The following PAPPA2 variants were observed in gnomAD, a reference collection of about 807,000 sequenced individuals.
PAPPA2 encodes the protein pappalysin 2, also known as pappalysin-2.
PAPPA2 carries 86 observed loss-of-function variants against 176.4 expected under a neutral mutation model. That is an observed-to-expected ratio of 0.49 (90% CI 0.41 to 0.58). The LOEUF is 0.58. PAPPA2 is among the 20% of genes least tolerant of loss of function. PAPPA2 has a pLI of 0.00. For synonymous variants in PAPPA2, 809 were observed against 852.2 expected (o/e 0.95, Z 0.88); for missense variants, 2,073 against 2,256.9 (o/e 0.92, Z 1.65).
At chr1:176,622,603 T>C (rs941931354) in intron 3 of PAPPA2, among the ~76,000 whole-genome samples, 1 of 152,202 alleles carries the variant, frequency 6.6e-6, no homozygotes, top group African/African-American at 2.4e-5. Context: ...ATGCCATTTC[T>C]AACTTAATAA....
chr1:176,566,987 C>T (rs771015933), intron 2 of PAPPA2, among the ~76,000 whole-genome samples: 6 of 152,206 alleles, frequency 3.9e-5, no homozygotes, highest in Non-Finnish European at 7.3e-5. Context: ...TCCATACTTT[C>T]GCTCTTGAGT....
In PAPPA2 at chr1:176,765,792, A is replaced by T; in HGVS notation, c.4278A>T (p.Gly1426=). Residue 1426 remains glycine, a synonymous_variant, in exon 15 of 23, where the codon GGA becomes GGT. Transcript: ENST00000367662. The part of the protein sequence containing the change: ...LMKCAITCQR[G]FALQASSGQY... Reference sequence around the variant, plus strand: ...AGTGTGCTATCACTTGTCAAAGGGGATTTGCCCTTCAGGCCAGCAGTGGGC... The same window carrying T: ...AGTGTGCTATCACTTGTCAAAGGGGTTTTGCCCTTCAGGCCAGCAGTGGGC... 6.2e-7 allele frequency: 1 copy of T among 1,614,100 alleles called. No homozygotes were observed. Among genetic ancestry groups the T allele is most frequent in the Non-Finnish European group, 8.5e-7 (1 of 1,180,014 alleles).
At chr1:176,691,674 C>A (rs1246408748) in intron 5 of PAPPA2, among the ~76,000 whole-genome samples, 1 of 152,234 alleles carries the variant, frequency 6.6e-6, no homozygotes, top group Non-Finnish European at 1.5e-5. Flanking sequence ...CCATTCCCAG[C>A]CCTGCTGTCT....
intron 20 of PAPPA2, among the ~76,000 whole-genome samples, chr1:176,794,086 T>C (rs982915157): frequency 2.6e-5 from 4 of 152,228 alleles, no homozygotes; most frequent in African/African-American, 9.6e-5. Flanking sequence ...TACTTTTAGA[T>C]GCCTACAGAG....
Position 176,771,024 on chromosome 1 carries a change from A to G in PAPPA2, c.4559A>G (p.Tyr1520Cys), listed in dbSNP as rs992443591. 5 of 1,614,136 alleles carry G rather than the reference A, an allele frequency of 3.1e-6. No homozygotes were observed. The highest frequency in any genetic ancestry group is 2.2e-5 in the East Asian group (1 of 44,872). ...GGTCTCTGGTCTCTCCCTGAAGTCT[A>G]CTGCAAGTTGGAGTGTGATGCTCCC... ...EDGLWSLPEV[Y>C]CKLECDAPPI... Residue 1520 changes from tyrosine (Y) to cysteine (C), a missense_variant, in exon 17 of 23, where the codon TAC (tyrosine) becomes TGC (cysteine). Transcript: ENST00000367662.
intron 3 of PAPPA2, among the ~76,000 whole-genome samples, chr1:176,629,585 TA>T (rs1187528420): frequency 6.6e-6 from 1 of 152,094 alleles, no homozygotes; most frequent in African/African-American, 2.4e-5. Flanking sequence ...GAGCAGGTAA[TA>T]AAGAAAGGAA....
intron 2 of PAPPA2, among the ~76,000 whole-genome samples, chr1:176,563,392 A>G (rs1017416290): frequency 1.3e-5 from 2 of 152,168 alleles, no homozygotes; most frequent in African/African-American, 4.8e-5. Context: ...ACTTTAAGGA[A>G]GTTTAAACCC....
chr1:176,560,162 C>A (rs1651577477), intron 2 of PAPPA2, among the ~76,000 whole-genome samples: 1 of 146,626 alleles, frequency 6.8e-6, no homozygotes, highest in Non-Finnish European at 1.5e-5. Flanking sequence ...CAGCTTTATG[C>A]AAGTGTTTTT....
At chr1:176,606,101 A>G (rs1183416939) in intron 3 of PAPPA2, among the ~76,000 whole-genome samples, 1 of 151,762 alleles carries the variant, frequency 6.6e-6, no homozygotes, top group Admixed American at 6.6e-5. Flanking sequence ...ATATAATTAT[A>G]CCAATGAAAC....
Position 176,791,343 on chromosome 1 carries a change from C to G in PAPPA2, c.4885-4C>G. On this transcript the variant is annotated splice_polypyrimidine_tract_variant and splice_region_variant and intron_variant, in intron 18 of 22. Coordinates refer to ENST00000367662, the MANE Select transcript of PAPPA2 (RefSeq NM_020318.3). ...AATTAAGATGTTTACTTTTGATATTCTAGCTTCCCATCCTCTGCACTAAAG... is the reference window on the plus strand; with the variant it reads ...AATTAAGATGTTTACTTTTGATATTGTAGCTTCCCATCCTCTGCACTAAAG... 6.2e-7 allele frequency: 1 copy of G among 1,604,854 alleles called. No homozygotes were observed. The highest frequency in any genetic ancestry group is 8.5e-7 in the Non-Finnish European group (1 of 1,173,858).
intron 12 of PAPPA2, among the ~76,000 whole-genome samples, chr1:176,731,046 C>A (rs1337123435): frequency 6.6e-6 from 1 of 151,906 alleles, no homozygotes; most frequent in Non-Finnish European, 1.5e-5. Context: ...AAAATGTGTG[C>A]CCAGTATCAT....
intron 1 of PAPPA2, among the ~76,000 whole-genome samples, chr1:176,479,388 G>A (rs1652282380): frequency 6.6e-6 from 1 of 152,046 alleles, no homozygotes; most frequent in Admixed American, 6.6e-5. Flanking sequence ...AAAGGCAGTG[G>A]TGATTCTTCT....
At chr1:176,798,150 A>C (rs553377803) in intron 20 of PAPPA2, among the ~76,000 whole-genome samples, 1 of 152,372 alleles carries the variant, frequency 6.6e-6, no homozygotes, top group South Asian at 2.1e-4. Flanking sequence ...ATCATTAAAA[A>C]TCTATAAGGT....
chr1:176,735,505 C>T (rs759076321), intron 12 of PAPPA2, among the ~76,000 whole-genome samples: 1 of 152,028 alleles, frequency 6.6e-6, no homozygotes, highest in African/African-American at 2.4e-5. Flanking sequence ...TGTGTCTGTG[C>T]CCAGCAGGCA....
chr1:176,494,320 T>C (rs1647477731), intron 1 of PAPPA2, among the ~76,000 whole-genome samples: 1 of 152,146 alleles, frequency 6.6e-6, no homozygotes, highest in Non-Finnish European at 1.5e-5. Flanking sequence ...TTGGAATCAT[T>C]CTTAAAGGTC....
chr1:176,749,503 C>A (rs949610524), intron 14 of PAPPA2, among the ~76,000 whole-genome samples: 4 of 152,288 alleles, frequency 2.6e-5, no homozygotes, highest in Admixed American at 1.3e-4. Context: ...GTTTGTTGTA[C>A]ATTCTATGTG....
intron 1 of PAPPA2, among the ~76,000 whole-genome samples, chr1:176,474,313 C>T (rs1652016736): frequency 6.6e-6 from 1 of 152,166 alleles, no homozygotes; most frequent in South Asian, 2.1e-4. Flanking sequence ...ATCTGGAACA[C>T]ATAGTCTTCT....
At chr1:176,659,775 T>A (rs1323913881) in intron 3 of PAPPA2, among the ~76,000 whole-genome samples, 1 of 152,100 alleles carries the variant, frequency 6.6e-6, no homozygotes, top group Non-Finnish European at 1.5e-5. Context: ...TAAGAACTTA[T>A]CTCTTTAATG....
At chr1:176,518,099 C>T (rs892706611) in intron 1 of PAPPA2, among the ~76,000 whole-genome samples, 5 of 152,084 alleles carry the variant, frequency 3.3e-5, no homozygotes, top group Non-Finnish European at 5.9e-5. Context: ...TAGGGAAATT[C>T]TATTTATCTG....
Sources: gnomAD v4.1 joint callset for allele counts (sites outside exome capture counted in the v4.1 genomes callset) on GRCh38, gnomAD v4.1.1 for gene constraint, MANE v1.5 for transcripts, NCBI Gene and HGNC (gene_info 2026-07-23, HGNC 2026-07-21) for gene names.